The following UNC13C variants were observed in gnomAD, a reference collection of about 807,000 sequenced individuals.
UNC13C encodes the protein unc-13 homolog C, also known as protein unc-13 homolog C.
In UNC13C, 174 loss-of-function variants were observed where a neutral mutation model predicts 245.4. The observed-to-expected ratio is 0.71, with a 90% CI of 0.63 to 0.80. The LOEUF is 0.80. UNC13C is among the 30% of genes least tolerant of loss of function. The pLI is 0.00. For missense variants in UNC13C, 2,829 were observed against 2,602.9 expected (o/e 1.09, Z -1.89); for synonymous variants, 992 against 895.1 (o/e 1.11, Z -1.93).
At chr15:54,300,395 C>T in intron 13 of UNC13C, 22 bp downstream of exon 13, 1 of 1,549,514 alleles carries the variant, frequency 6.5e-7, no homozygotes, top group South Asian at 1.2e-5. Context: ...AGAACATTTA[C>T]ATGGTCAATA....
At chr15:54,381,121 G>C (rs1271100266) in intron 17 of UNC13C, among the ~76,000 whole-genome samples, 1 of 152,064 alleles carries the variant, frequency 6.6e-6, no homozygotes, top group East Asian at 1.9e-4. Flanking sequence ...TAAAGATTTT[G>C]AGTTGGTTTT....
At chr15:53,902,905 A>C in the UNC13C span, among the ~76,000 whole-genome samples, 1 of 152,286 alleles carries the variant, frequency 6.6e-6, no homozygotes, top group Admixed American at 6.5e-5. Context: ...GATAGACCAG[A>C]TGGAGGAAAA....
chr15:54,434,320 T>G (rs2040935392), intron 19 of UNC13C, among the ~76,000 whole-genome samples: 1 of 152,172 alleles, frequency 6.6e-6, no homozygotes, highest in East Asian at 1.9e-4. Flanking sequence ...GGCATCACAC[T>G]ACCTGACATC....
intron 10 of UNC13C, among the ~76,000 whole-genome samples, chr15:54,271,998 T>C (rs778362431): frequency 1.3e-5 from 2 of 152,218 alleles, no homozygotes; most frequent in African/African-American, 2.4e-5. Context: ...TTCCACGTTA[T>C]ACAAAAAGCT....
chr15:54,362,242 G>A (rs1326141203), intron 17 of UNC13C, among the ~76,000 whole-genome samples: 2 of 152,182 alleles, frequency 1.3e-5, no homozygotes, highest in Non-Finnish European at 2.9e-5. Context: ...ACTGGAGTTG[G>A]CTTCCCATGA....
At chr15:53,975,550 G>T (rs970294479), upstream of UNC13C, among the ~76,000 whole-genome samples, 1 of 152,150 alleles carries the variant, frequency 6.6e-6, no homozygotes, top group Non-Finnish European at 1.5e-5. Flanking sequence ...ACACAGGATT[G>T]GTTTATGCTT....
chr15:54,547,478 G>T (rs1383760129), intron 27 of UNC13C, among the ~76,000 whole-genome samples: 1 of 152,142 alleles, frequency 6.6e-6, no homozygotes, highest in Non-Finnish European at 1.5e-5. Flanking sequence ...ACAAGCACCT[G>T]TTACGGGGCA....
At chr15:54,046,055 T>G (rs1452550203) in intron 2 of UNC13C, among the ~76,000 whole-genome samples, 2 of 152,248 alleles carry the variant, frequency 1.3e-5, no homozygotes, top group Admixed American at 6.5e-5. Context: ...GTTTGCTGTT[T>G]TTTTAACCCA....
chr15:53,925,137 G>A, the UNC13C span, among the ~76,000 whole-genome samples: 10 of 152,138 alleles, frequency 6.6e-5, no homozygotes, highest in Admixed American at 1.3e-4. Flanking sequence ...ACATTATTTT[G>A]TGTCTTTAAT....
chr15:53,854,196 C>G, the UNC13C span, among the ~76,000 whole-genome samples: 1 of 146,186 alleles, frequency 6.8e-6, no homozygotes, highest in East Asian at 2.1e-4. Context: ...TCTTGGCTCA[C>G]TGCAACTTCT....
chr15:54,493,836 C>G (rs2141086787), intron 19 of UNC13C, among the ~76,000 whole-genome samples: 1 of 152,094 alleles, frequency 6.6e-6, no homozygotes, highest in South Asian at 2.1e-4. Flanking sequence ...ATTCCCCAGC[C>G]CTGTATGTCC....
At chr15:54,114,921 G>A (rs1244027914) in intron 2 of UNC13C, among the ~76,000 whole-genome samples, 1 of 152,012 alleles carries the variant, frequency 6.6e-6, no homozygotes, top group African/African-American at 2.4e-5. Flanking sequence ...CAATCTTCAT[G>A]GCTGAAGATT....
intron 2 of UNC13C, among the ~76,000 whole-genome samples, chr15:54,109,278 C>G (rs1194052347): frequency 2.5e-5 from 1 of 40,216 alleles, no homozygotes; most frequent in African/African-American, 9.1e-5. Context: ...CTCCTCCCCT[C>G]CCCTCCCCTC....
intron 17 of UNC13C, among the ~76,000 whole-genome samples, chr15:54,387,727 A>G (rs1159982203): frequency 6.6e-6 from 1 of 152,216 alleles, no homozygotes; most frequent in African/African-American, 2.4e-5. Context: ...TATGAGAGCT[A>G]TCTAGTGAAT....
rs187408275 is a variant in UNC13C at position 54,176,175 on chromosome 15, A to G, written c.3071+32491A>G. 1.0e-4 allele frequency among the ~76,000 whole-genome samples: 12 copies of G among 120,524 alleles called. No individual in the cohort carries two copies. In the East Asian group the frequency reaches 2.4e-3, roughly 24 times the overall value. The allele number at this position is 120,524 out of a possible 152,430, so 79.1% of individuals were successfully genotyped here. On this transcript the variant is annotated intron_variant, in intron 4 of 32. Coordinates refer to ENST00000260323, the MANE Select transcript of UNC13C (RefSeq NM_001080534.3). ...GGGTTCAACATTCTTTTTAACCACA[A>G]TCTTCAAGATCGTAGTTTTTTTTTT...
intron 10 of UNC13C, among the ~76,000 whole-genome samples, chr15:54,272,591 C>A (rs2036714923): frequency 6.6e-6 from 1 of 152,098 alleles, no homozygotes; most frequent in Admixed American, 6.6e-5. Context: ...TTTAGTCACA[C>A]TTTATGGGAT....
chr15:54,194,859 AT>A (rs1276220588), intron 4 of UNC13C, among the ~76,000 whole-genome samples: 1 of 152,192 alleles, frequency 6.6e-6, no homozygotes, highest in African/African-American at 2.4e-5. Context: ...TGAAAGCAGC[AT>A]TAAACACTAA....
At chr15:53,945,978 T>C in the UNC13C span, among the ~76,000 whole-genome samples, 1 of 152,178 alleles carries the variant, frequency 6.6e-6, no homozygotes, top group African/African-American at 2.4e-5. Context: ...TGGTTAGCTA[T>C]GTTCCTATGT....
chr15:54,219,674 G>T (rs1369429380), intron 4 of UNC13C, among the ~76,000 whole-genome samples: 1 of 151,480 alleles, frequency 6.6e-6, no homozygotes. Flanking sequence ...CCTACAAAAT[G>T]GGAGAAAATT....
Sources: gnomAD v4.1 joint callset for allele counts (sites outside exome capture counted in the v4.1 genomes callset) on GRCh38, gnomAD v4.1.1 for gene constraint, MANE v1.5 for transcripts, NCBI Gene and HGNC (gene_info 2026-07-23, HGNC 2026-07-21) for gene names.